The following PAGE2B variants were observed in gnomAD, a reference collection of about 807,000 sequenced individuals.
The protein encoded by PAGE2B is putative G antigen family E member 3.
In PAGE2B, 5 loss-of-function variants were observed where a neutral mutation model predicts 7.6. That is an observed-to-expected ratio of 0.66 (90% CI 0.34 to 1.38). The LOEUF (loss-of-function observed/expected upper bound fraction) is 1.38, where lower values mean the gene tolerates loss of function less well. PAGE2B is among the 40% of genes most tolerant of loss of function. The probability of loss-of-function intolerance (pLI) is 0.04; values close to 1 mark genes in which losing one functional copy is unlikely to be tolerated. For synonymous variants in PAGE2B, 29 were observed against 26.7 expected, an observed-to-expected ratio of 1.09 and a Z score of -0.27; for missense variants, 70 against 78.4, an observed-to-expected ratio of 0.89 and a Z score of 0.41.
the PAGE2B span, among the ~76,000 whole-genome samples, chrX:55,053,430 C>T: frequency 9.3e-3 from 1,040 of 111,720 alleles, 12 homozygotes; most frequent in African/African-American, 0.032. Flanking sequence ...GCTTAATACC[C>T]AGGTGATGGG....
the PAGE2B span, chrX:55,055,410 T>C: frequency 4.6e-5 from 5 of 109,792 alleles, no homozygotes; most frequent in Non-Finnish European, 7.6e-5. Flanking sequence ...AAACATTTAA[T>C]TTTCTTATGA....
At chrX:55,034,539 C>T in the PAGE2B span, among the ~76,000 whole-genome samples, 2 of 110,403 alleles carry the variant, frequency 1.8e-5, no homozygotes, top group Non-Finnish European at 3.8e-5. Context: ...CAGTTTTTCA[C>T]CCCTCAGAGT....
the PAGE2B span, among the ~76,000 whole-genome samples, chrX:55,036,062 A>G: frequency 8.9e-6 from 1 of 111,824 alleles, no homozygotes; most frequent in African/African-American, 3.2e-5. Flanking sequence ...CTTTGAAGCA[A>G]TTGTGAATGG....
At chrX:55,073,845 G>A (rs780293058), upstream of PAGE2B, among the ~76,000 whole-genome samples, 76 of 111,676 alleles carry the variant, frequency 6.8e-4, no homozygotes, top group African/African-American at 2.3e-3. Context: ...GGTAGTTGGT[G>A]TACAGAAACA....
chrX:55,074,819 G>A, upstream of PAGE2B, among the ~76,000 whole-genome samples: 1 of 112,475 alleles, frequency 8.9e-6, no homozygotes, highest in Middle Eastern at 4.6e-3. Context: ...GAAAGGGTGG[G>A]CGGGGGAAAA....
the PAGE2B span, among the ~76,000 whole-genome samples, chrX:55,034,494 T>C: frequency 9.0e-6 from 1 of 111,023 alleles, no homozygotes; most frequent in African/African-American, 3.3e-5. Flanking sequence ...GAGAATTCTC[T>C]TATCATTTTT....
At chrX:55,058,818 C>T in the PAGE2B span, among the ~76,000 whole-genome samples, 3 of 110,842 alleles carry the variant, frequency 2.7e-5, no homozygotes, top group African/African-American at 6.6e-5. Context: ...GTAGTAAAAC[C>T]GGAGAACAGT....
the PAGE2B span, among the ~76,000 whole-genome samples, chrX:55,049,231 C>T: frequency 9.2e-6 from 1 of 108,796 alleles, no homozygotes; most frequent in Non-Finnish European, 1.9e-5. Context: ...AGGATTTTTG[C>T]ATCAATGTTC....
the PAGE2B span, among the ~76,000 whole-genome samples, chrX:55,045,517 A>T: frequency 9.0e-6 from 1 of 111,287 alleles, no homozygotes; most frequent in African/African-American, 3.3e-5. Context: ...TGTCAGTCTT[A>T]TCATCTGAAA....
At chrX:55,051,482 A>G in the PAGE2B span, among the ~76,000 whole-genome samples, 1 of 111,674 alleles carries the variant, frequency 9.0e-6, no homozygotes, top group Non-Finnish European at 1.9e-5. Flanking sequence ...ACATAGTCCC[A>G]TATTTCTTGG....
rs1274489893 is a variant in PAGE2B at position 55,075,133 on chromosome X, C to G, written c.-9+19C>G. 8.6e-6 allele frequency: 1 copy of G among 116,918 alleles called. No homozygotes were observed. The highest frequency in any genetic ancestry group is 9.3e-5 in the Admixed American group (1 of 10,753). The allele number at this position is 116,918 out of a possible 1,213,427, so 9.6% of individuals were successfully genotyped here. On this transcript the variant is annotated intron_variant, in intron 1 of 4. Transcript: ENST00000374971. ...TCAGCCGGTAGGTCCGCAGAGCGGT[C>G]TTCCTGGGAATTTAGTTGTGGGTGA...
chrX:55,070,495 A>G (rs1394860511), upstream of PAGE2B, among the ~76,000 whole-genome samples: 1 of 111,873 alleles, frequency 8.9e-6, no homozygotes, highest in Non-Finnish European at 1.9e-5. Context: ...GGTGCTGAGA[A>G]GAATGTATAT....
the PAGE2B span, among the ~76,000 whole-genome samples, chrX:55,058,395 T>C: frequency 9.0e-6 from 1 of 111,081 alleles, no homozygotes; most frequent in Non-Finnish European, 1.9e-5. Flanking sequence ...CACCAATATT[T>C]ATTGAGCACT....
the PAGE2B span, among the ~76,000 whole-genome samples, chrX:55,063,483 C>T: frequency 5.4e-5 from 6 of 110,782 alleles, no homozygotes; most frequent in Admixed American, 2.9e-4. Context: ...TAGGTTTTTC[C>T]AAACATAAAA....
chrX:55,044,591 A>C, the PAGE2B span, among the ~76,000 whole-genome samples: 6 of 109,469 alleles, frequency 5.5e-5, no homozygotes, highest in African/African-American at 1.0e-4. Context: ...CCTATTCCCC[A>C]AAAACCTATT....
chrX:55,038,245 G>T, the PAGE2B span, among the ~76,000 whole-genome samples: 1 of 110,019 alleles, frequency 9.1e-6, no homozygotes, highest in South Asian at 3.9e-4. Context: ...AAAAAATTTT[G>T]CCTTTCCCCA....
intron 1 of PAGE2B, 118 bp from the exon 2 acceptor site, chrX:55,075,916 T>C: frequency 2.7e-6 from 2 of 744,128 alleles, no homozygotes; most frequent in South Asian, 3.1e-5. Flanking sequence ...GCTCTGTGAA[T>C]TACGTTGAAA....
chrX:55,039,317 C>T, the PAGE2B span, among the ~76,000 whole-genome samples: 1 of 110,777 alleles, frequency 9.0e-6, no homozygotes, highest in Non-Finnish European at 1.9e-5. Flanking sequence ...TGAAGATGGA[C>T]AGAAGTGAAT....
At chrX:55,036,098 G>T in the PAGE2B span, among the ~76,000 whole-genome samples, 18 of 111,852 alleles carry the variant, frequency 1.6e-4, no homozygotes, top group East Asian at 4.5e-3. Context: ...TTGGCTCTCT[G>T]TTTGTCTGTT....
Sources: allele counts gnomAD v4.1 joint callset (sites outside exome capture counted in the v4.1 genomes callset), GRCh38; gene constraint gnomAD v4.1.1; transcripts MANE v1.5; gene names NCBI Gene and HGNC (gene_info 2026-07-23, HGNC 2026-07-21).